Variants in IFNL1 observed in about 807,000 individuals in gnomAD.
IFNL1 encodes the protein interferon lambda 1, also known as interferon lambda-1.
A neutral mutation model predicts 17.1 loss-of-function variants in IFNL1; 16 were observed. The ratio of observed to expected loss-of-function variants is 0.93; its 90% CI spans 0.63 to 1.42. IFNL1 has a LOEUF of 1.42. IFNL1 is among the 40% of genes most tolerant of loss of function. IFNL1 has a pLI of 0.00. For synonymous variants in IFNL1, 104 were observed against 111.4 expected, an observed-to-expected ratio of 0.93 and a Z score of 0.42; for missense variants, 262 against 249.4, an observed-to-expected ratio of 1.05 and a Z score of -0.34.
In IFNL1 at chr19:39,298,437, G is replaced by A. The variant is rs772920266; in HGVS notation, c.524G>A (p.Arg175His). Residue 175 changes from arginine to histidine, a missense_variant, in exon 5 of 5, where the codon CGC (arginine) becomes CAC (histidine). Arg to His is a conservative substitution (Grantham distance 29). Transcript: ENST00000333625. ...GCATCTGTCACCTTCAACCTCTTCC[G>A]CCTCCTCACGCGAGACCTCAAATAT... ...LEASVTFNLF[R>H]LLTRDLKYVA... The A allele has an allele frequency of 4.5e-5, 72 of 1,613,992 alleles. No individual in the cohort carries two copies. The highest frequency in any genetic ancestry group is 5.6e-5 in the Non-Finnish European group (66 of 1,180,028).
intron 2 of IFNL1, among the ~76,000 whole-genome samples, chr19:39,297,308 C>CTATTTTTTTTTTTTTTTTTTT: frequency 7.2e-6 from 1 of 139,476 alleles, no homozygotes. Flanking sequence ...ATCCACCCTT[C>CTATTTTTTTTTTTTTTTTTTT]TCTTTTTTTT....
intron 1 of IFNL1, 78 bp downstream of exon 1, chr19:39,296,670 G>T: frequency 2.0e-6 from 3 of 1,521,036 alleles, no homozygotes; most frequent in Non-Finnish European, 2.7e-6. Context: ...CTAGCCTCTA[G>T]CCTTCCAACT....
At chr19:39,296,951 T>TA in intron 2 of IFNL1, 69 bp downstream of exon 2, 1 of 1,162,618 alleles carries the variant, frequency 8.6e-7, no homozygotes, top group Non-Finnish European at 1.3e-6. Context: ...AGTGGCCCCT[T>TA]AGCCTTCTTT....
chr19:39,296,849 C>G lies in IFNL1; in HGVS notation c.216C>G (p.Val72=). ...AAAACTGGAGTTGCAGCTCTCCTGT[C>G]TTCCCCGGGAATTGGGACCTGAGGC... is the stretch of plus-strand genomic sequence containing the variant. The part of the protein sequence containing the change: ...KLKNWSCSSP[V]FPGNWDLRLL... Residue 72 remains valine (V), a synonymous_variant, in exon 2 of 5, where the codon GTC becomes GTG. Transcript: ENST00000333625. The G allele has an allele frequency of 6.2e-7, 1 of 1,614,190 alleles. No homozygotes were observed. The highest frequency in any genetic ancestry group is 8.5e-7 in the Non-Finnish European group (1 of 1,180,020).
chr19:39,298,177 G>A (rs369658147), intron 3 of IFNL1, 36 bp from the exon 4 acceptor site: 60 of 1,613,532 alleles, frequency 3.7e-5, no homozygotes, highest in Middle Eastern at 3.3e-4. Context: ...TGGTGGCCCA[G>A]GCTCCGCCTC....
chr19:39,297,484 A>G (rs1296798640), intron 2 of IFNL1, among the ~76,000 whole-genome samples: 1 of 151,534 alleles, frequency 6.6e-6, no homozygotes, highest in East Asian at 1.9e-4. Context: ...ATGCCCAGCT[A>G]ATTTTTGTAT....
rs140272025 is a variant in IFNL1 at position 39,298,004 on chromosome 19, T to C, written c.290T>C (p.Leu97Pro). 12 of 1,614,064 alleles carry C rather than the reference T, an allele frequency of 7.4e-6. No individual in the cohort carries two copies. The African/African-American group carries it at 1.5e-4, about 20-fold the overall frequency. ...RPVALEAELALTLKVLEAAAG... is the reference protein window; with the variant it reads ...RPVALEAELAPTLKVLEAAAG... ...GTGGCCTTGGAGGCTGAGCTGGCCC[T>C]GACGCTGAAGGTCCTGGAGGCCGCT... Residue 97 changes from leucine (L) to proline (P), a missense_variant, in exon 3 of 5, where the codon CTG becomes CCG. Transcript: ENST00000333625.
Position 39,296,537 on chromosome 19 carries a change from T to C in IFNL1, c.116T>C (p.Phe39Ser), listed in dbSNP as rs779131342. Residue 39 changes from phenylalanine to serine, a missense_variant, in exon 1 of 5, where the codon TTC becomes TCC. Physicochemically the swap from Phe to Ser is radical, Grantham distance 155. Coordinates refer to ENST00000333625, the MANE Select transcript of IFNL1 (RefSeq NM_172140.2). ...TTGKGCHIGR[F>S]KSLSPQELAS... ...GGGAAGGGCTGCCACATTGGCAGGTTCAAATCTCTGTCACCACAGGAGCTA... is the reference window on the plus strand; with the variant it reads ...GGGAAGGGCTGCCACATTGGCAGGTCCAAATCTCTGTCACCACAGGAGCTA... The C allele has an allele frequency of 1.9e-6, 3 of 1,613,968 alleles. No homozygotes were observed. Among genetic ancestry groups the C allele is most frequent in the Non-Finnish European group, 2.5e-6 (3 of 1,180,014 alleles).
chr19:39,298,449 G>C lies in IFNL1; in HGVS notation c.536G>C (p.Arg179Pro), dbSNP rs752011035. The C allele has an allele frequency of 3.7e-6, 6 of 1,614,002 alleles. No individual in the cohort carries two copies. The East Asian group carries it at 1.3e-4, about 36-fold the overall frequency. Residue 179 changes from arginine (R) to proline (P), a missense_variant, in exon 5 of 5, where the codon CGA (arginine) becomes CCA (proline). Arg to Pro is a moderately radical substitution (Grantham distance 103). Transcript: ENST00000333625. ...VTFNLFRLLT[R>P]DLKYVADGNL... The stretch of plus-strand genomic sequence containing the variant: ...TTCAACCTCTTCCGCCTCCTCACGC[G>C]AGACCTCAAATATGTGGCCGATGGG...
intron 2 of IFNL1, among the ~76,000 whole-genome samples, chr19:39,297,261 C>G (rs2075102130): frequency 6.6e-6 from 1 of 150,728 alleles, no homozygotes; most frequent in Admixed American, 6.6e-5. Context: ...CCCTCATTAT[C>G]TCTCACTGAC....
intron 2 of IFNL1, among the ~76,000 whole-genome samples, chr19:39,297,203 G>A (rs1437485807): frequency 2.0e-5 from 3 of 150,278 alleles, no homozygotes; most frequent in African/African-American, 7.3e-5. Flanking sequence ...CTCCCTGTCT[G>A]TTCCCAACAC....
chr19:39,297,859 C>G (rs2075104808), intron 2 of IFNL1, 105 bp from the exon 3 acceptor site: 3 of 1,413,032 alleles, frequency 2.1e-6, no homozygotes. Flanking sequence ...CTGTCCCCAC[C>G]ACATGCACTG....
Position 39,298,089 on chromosome 19 carries a change from C to G in IFNL1, c.375C>G (p.Leu125=), listed in dbSNP as rs143181120. ...DQPLHTLHHI[L]SQLQACIQPQ... Reference sequence around the variant, plus strand: ...CCCTTCACACCCTGCACCACATCCTCTCCCAGCTCCAGGCCTGTGTGAGTC... The same window carrying G: ...CCCTTCACACCCTGCACCACATCCTGTCCCAGCTCCAGGCCTGTGTGAGTC... Residue 125 remains leucine (L), a synonymous_variant, in exon 3 of 5, where the codon CTC becomes CTG. Coordinates refer to ENST00000333625, the MANE Select transcript of IFNL1 (RefSeq NM_172140.2). 229 of 1,614,098 alleles carry G rather than the reference C, an allele frequency of 1.4e-4. 1 individual carries two copies. The African/African-American group carries it at 2.5e-3, about 18-fold the overall frequency.
chr19:39,296,767 C>T, intron 1 of IFNL1, 38 bp from the exon 2 acceptor site: 1 of 1,579,990 alleles, frequency 6.3e-7, no homozygotes, highest in Non-Finnish European at 8.7e-7. Context: ...AGCTTCCAGC[C>T]ATCCTGCTGT....
chr19:39,296,810 G>C lies in IFNL1; in HGVS notation c.177G>C (p.Glu59Asp), dbSNP rs142971889. ...SFKKARDALE[E>D]SLKLKNWSCS... ...CCCCTGCCCTTGCTCTCTAGGAAGA[G>C]TCACTCAAGCTGAAAAACTGGAGTT... The change falls in exon 2 of 5, where the codon GAG becomes GAC. Residue 59 changes from glutamate to aspartate, a missense_variant. Transcript: ENST00000333625. The C allele has an allele frequency of 1.1e-4, 183 of 1,613,758 alleles. No individual in the cohort carries two copies. The highest frequency in any genetic ancestry group is 3.4e-4 in the South Asian group (31 of 91,084).
At position 39,298,464 on chromosome 19, in the gene IFNL1, T is replaced by G; in HGVS notation, c.551T>G (p.Val184Gly). Residue 184 changes from valine (V) to glycine (G), a missense_variant, in exon 5 of 5, where the codon GTG (valine) becomes GGG (glycine). Coordinates refer to ENST00000333625, the MANE Select transcript of IFNL1 (RefSeq NM_172140.2). Reference protein sequence around the residue: ...FRLLTRDLKYVADGNLCLRTS... With the variant: ...FRLLTRDLKYGADGNLCLRTS... ...CTCCTCACGCGAGACCTCAAATATGTGGCCGATGGGAACCTGTGTCTGAGA... is the reference window on the plus strand; with the variant it reads ...CTCCTCACGCGAGACCTCAAATATGGGGCCGATGGGAACCTGTGTCTGAGA... 6.2e-7 allele frequency: 1 copy of G among 1,614,150 alleles called. No individual in the cohort carries two copies. Among genetic ancestry groups the G allele is most frequent in the South Asian group, 1.1e-5 (1 of 91,076 alleles).
At chr19:39,297,899 C>T in intron 2 of IFNL1, 65 bp from the exon 3 acceptor site, 1 of 1,599,912 alleles carries the variant, frequency 6.3e-7, no homozygotes, top group Non-Finnish European at 8.5e-7. Context: ...GACTGCCTAC[C>T]TGTCCCCACT....
intron 2 of IFNL1, 22 bp downstream of exon 2, chr19:39,296,904 C>T: frequency 6.3e-7 from 1 of 1,589,422 alleles, no homozygotes; most frequent in South Asian, 1.1e-5. Flanking sequence ...GTCAGGCCCC[C>T]TTCACCCTTC....
In IFNL1 at chr19:39,298,423, C is replaced by G. The variant is rs377612715; in HGVS notation, c.510C>G (p.Thr170=). Residue 170 remains threonine (T), a synonymous_variant, in exon 5 of 5, where the codon ACC becomes ACG. Transcript: ENST00000333625. ...CTGGCTGCCTGGAGGCATCTGTCAC[C>G]TTCAACCTCTTCCGCCTCCTCACGC... The part of the protein sequence containing the change: ...ESAGCLEASV[T]FNLFRLLTRD... The G allele has an allele frequency of 3.7e-5, 60 of 1,614,124 alleles. No homozygotes were observed. The highest frequency in any genetic ancestry group is 5.1e-5 in the Non-Finnish European group (60 of 1,180,038).
Sources: allele counts gnomAD v4.1 joint callset (sites outside exome capture counted in the v4.1 genomes callset), GRCh38; gene constraint gnomAD v4.1.1; transcripts MANE v1.5; gene names NCBI Gene and HGNC (gene_info 2026-07-23, HGNC 2026-07-21).